The following ADAP1 variants were observed in gnomAD, a reference collection of about 807,000 sequenced individuals.
ADAP1 encodes the protein arf-GAP with dual PH domain-containing protein 1.
ADAP1 carries 31 observed loss-of-function variants against 54.9 expected under a neutral mutation model. The ratio of observed to expected loss-of-function variants is 0.56; its 90% CI spans 0.42 to 0.76. The LOEUF is 0.76. ADAP1 is among the 30% of genes least tolerant of loss of function. ADAP1 has a pLI of 0.00. For synonymous variants in ADAP1, 313 were observed against 202.6 expected (o/e 1.55, Z -4.63); for missense variants, 535 against 512.4 (o/e 1.04, Z -0.42).
chr7:921,841 C>T (rs1486481967), intron 3 of ADAP1, among the ~76,000 whole-genome samples: 1 of 152,194 alleles, frequency 6.6e-6, no homozygotes, highest in Non-Finnish European at 1.5e-5. Flanking sequence ...GGATGAGAGG[C>T]AGGTGCCAGG....
At position 919,990 on chromosome 7, in the gene ADAP1, C is replaced by T. The variant is rs2128104800; in HGVS notation, c.366G>A (p.Glu122=). ...KYERQEFIYP[E]KQEPYSAGYR... ...CACCTGCCGAGTAGGGCTCCTGCTT[C>T]TCCGGGTAGATGAACTCCTGTCGCT... Residue 122 remains glutamate (E), a synonymous_variant, in exon 4 of 11, where the codon GAG becomes GAA. Transcript: ENST00000265846. 6.2e-7 allele frequency: 1 copy of T among 1,607,150 alleles called. No individual in the cohort carries two copies. The highest frequency in any genetic ancestry group is 8.5e-7 in the Non-Finnish European group (1 of 1,179,436).
intron 1 of ADAP1, among the ~76,000 whole-genome samples, chr7:950,751 G>C (rs1290556605): frequency 1.3e-5 from 2 of 151,106 alleles, no homozygotes; most frequent in East Asian, 2.0e-4. Flanking sequence ...CAGCTACTCA[G>C]GGGACTGAGG....
intron 1 of ADAP1, among the ~76,000 whole-genome samples, chr7:944,545 A>C (rs1847091395): frequency 6.6e-6 from 1 of 152,038 alleles, no homozygotes; most frequent in African/African-American, 2.4e-5. Flanking sequence ...TGAGCCACCG[A>C]GCCCGGCCTA....
intron 3 of ADAP1, among the ~76,000 whole-genome samples, chr7:921,954 G>T (rs943411436): frequency 6.6e-6 from 1 of 152,310 alleles, no homozygotes; most frequent in South Asian, 2.1e-4. Context: ...GCTCACACCC[G>T]CACACAAGGG....
At chr7:932,188 C>T (rs1846604071) in intron 2 of ADAP1, among the ~76,000 whole-genome samples, 1 of 152,190 alleles carries the variant, frequency 6.6e-6, no homozygotes, top group Admixed American at 6.5e-5. Flanking sequence ...CAGTGCTCTC[C>T]CAAAGGCCCC....
chr7:954,725 G>A, upstream of ADAP1: 6 of 980,934 alleles, frequency 6.1e-6, no homozygotes, highest in Non-Finnish European at 7.2e-6. Flanking sequence ...GGCCGGCAAG[G>A]CCCGCGGGCG....
Position 926,279 on chromosome 7 carries a change from A to AC in ADAP1, c.305+273dup, listed in dbSNP as rs924039045. On this transcript the variant is annotated intron_variant, in intron 3 of 10. Coordinates refer to ENST00000265846, the MANE Select transcript of ADAP1 (RefSeq NM_006869.4). This position sits in a 1 kb window ranked among gnomAD's most constrained non-coding sequence, Gnocchi z 4.6. ...GGAGGGCCCCTCAGATCCACCCGAGACCCCCAAGGCCTCAGCGAACCTGGG... is the reference window on the plus strand; with the variant it reads ...GGAGGGCCCCTCAGATCCACCCGAGACCCCCCAAGGCCTCAGCGAACCTGGG... Among the ~76,000 whole-genome samples the AC allele has an allele frequency of 5.3e-5, 8 of 150,770 alleles. No individual in the cohort carries two copies. The highest frequency in any genetic ancestry group is 1.9e-4 in the African/African-American group (8 of 41,028).
intron 8 of ADAP1, among the ~76,000 whole-genome samples, chr7:899,721 C>A (rs1313271888): frequency 6.6e-6 from 1 of 152,156 alleles, no homozygotes; most frequent in Non-Finnish European, 1.5e-5. Flanking sequence ...TCCCTGGGCC[C>A]CAGATGGGGG....
intron 4 of ADAP1, chr7:905,592 A>AG (rs1845177753): frequency 7.3e-6 from 1 of 137,606 alleles, no homozygotes. Context: ...GAAAGGAGAA[A>AG]GGAGAAAGGA....
intron 7 of ADAP1, 141 bp from the exon 8 acceptor site, chr7:900,305 A>G: frequency 9.1e-7 from 1 of 1,093,106 alleles, no homozygotes; most frequent in East Asian, 2.5e-5. Flanking sequence ...CAGGATCCAC[A>G]TTTCTGCCTC....
chr7:929,762 G>A (rs374407486), intron 2 of ADAP1, among the ~76,000 whole-genome samples: 1 of 151,974 alleles, frequency 6.6e-6, no homozygotes, highest in African/African-American at 2.4e-5. Flanking sequence ...TACGCTTTAC[G>A]GGAGTGAATT....
chr7:943,151 A>AAGG (rs1491479686), intron 1 of ADAP1, among the ~76,000 whole-genome samples: 3 of 55,402 alleles, frequency 5.4e-5, no homozygotes, highest in Non-Finnish European at 1.2e-4. Context: ...AGTAGGAGGA[A>AAGG]GAGAGGAGGA....
At chr7:913,761 C>T (rs973518517) in intron 4 of ADAP1, among the ~76,000 whole-genome samples, 10 of 152,066 alleles carry the variant, frequency 6.6e-5, no homozygotes, top group Admixed American at 6.5e-4. Flanking sequence ...ATGATGAAAT[C>T]CTGTCTCTAC....
intron 3 of ADAP1, among the ~76,000 whole-genome samples, chr7:925,263 G>A (rs1365424867): frequency 6.6e-6 from 1 of 150,836 alleles, no homozygotes; most frequent in Non-Finnish European, 1.5e-5. Flanking sequence ...GGTTCATGCT[G>A]CAATCCCAGC....
At chr7:952,053 C>T (rs1168171625) in intron 1 of ADAP1, among the ~76,000 whole-genome samples, 2 of 151,288 alleles carry the variant, frequency 1.3e-5, no homozygotes, top group South Asian at 2.1e-4. Flanking sequence ...AGGATGGAGA[C>T]CCCCACCCAG....
At position 904,084 on chromosome 7, in the gene ADAP1, C is replaced by A. The variant is rs539684769; in HGVS notation, c.648+42G>T. 3.1e-6 allele frequency: 5 copies of A among 1,605,842 alleles called. No homozygotes were observed. The African/African-American group carries it at 6.7e-5, about 21-fold the overall frequency. ...TGCGCCACCCGGGCCTGAGGGCCCACCCTCCTGTGCCACCCGGGCCCGAGT... is the reference window on the plus strand; with the variant it reads ...TGCGCCACCCGGGCCTGAGGGCCCAACCTCCTGTGCCACCCGGGCCCGAGT... On this transcript the variant is annotated intron_variant, in intron 6 of 10. Coordinates refer to ENST00000265846, the MANE Select transcript of ADAP1 (RefSeq NM_006869.4).
At chr7:911,499 C>T (rs1210891142) in intron 4 of ADAP1, among the ~76,000 whole-genome samples, 1 of 152,208 alleles carries the variant, frequency 6.6e-6, no homozygotes, top group South Asian at 2.1e-4. Flanking sequence ...CCAAGAACAG[C>T]GAACCCTGAC....
chr7:899,407 G>A lies in ADAP1; in HGVS notation c.867+12C>T, dbSNP rs750752492. On this transcript the variant is annotated intron_variant, in intron 9 of 10. Transcript: ENST00000265846. Reference sequence around the variant, plus strand: ...GCTGCCCTCCCGTGCTGGGGCCACAGCTCCTCCTTACCAGGGGGTCTTTGA... The same window carrying A: ...GCTGCCCTCCCGTGCTGGGGCCACAACTCCTCCTTACCAGGGGGTCTTTGA... 3.7e-6 allele frequency: 6 copies of A among 1,612,744 alleles called. No individual in the cohort carries two copies. Among genetic ancestry groups the A allele is most frequent in the African/African-American group, 2.7e-5 (2 of 74,942 alleles).
At chr7:908,486 C>T (rs970406935) in intron 4 of ADAP1, among the ~76,000 whole-genome samples, 12 of 152,218 alleles carry the variant, frequency 7.9e-5, no homozygotes, top group Admixed American at 2.0e-4. Flanking sequence ...GCTGCTGCCC[C>T]AGCCCCGTGC....
Sources: gnomAD v4.1 joint callset for allele counts (sites outside exome capture counted in the v4.1 genomes callset) on GRCh38, gnomAD v4.1.1 for gene constraint, Gnocchi (gnomAD v3.1) non-coding constraint, MANE v1.5 for transcripts, NCBI Gene and HGNC (gene_info 2026-07-23, HGNC 2026-07-21) for gene names.